The following THSD4 variants were observed in gnomAD, a reference collection of about 807,000 sequenced individuals.
The protein encoded by THSD4 is thrombospondin type 1 domain containing 4.
In THSD4, 69 loss-of-function variants were observed where a neutral mutation model predicts 119.0. The observed-to-expected ratio is 0.58, with a 90% CI of 0.48 to 0.71. The LOEUF (loss-of-function observed/expected upper bound fraction) is 0.71. Among genes scored for constraint, THSD4 ranks in the 30% least tolerant of loss-of-function variants. The pLI is 0.00. For synonymous variants in THSD4, 524 were observed against 540.4 expected, an observed-to-expected ratio of 0.97 and a Z score of 0.42; for missense variants, 1,393 against 1,391.1, an observed-to-expected ratio of 1.00 and a Z score of -0.02.
At chr15:71,165,174 T>C in intron 3 of THSD4, 5 of 1,584,104 alleles carry the variant, frequency 3.2e-6, no homozygotes, top group East Asian at 2.2e-5. Context: ...GTCTCCCCTT[T>C]GGGAGGGATG....
intron 6 of THSD4, among the ~76,000 whole-genome samples, chr15:71,297,425 T>C (rs2140332580): frequency 6.6e-6 from 1 of 151,708 alleles, no homozygotes; most frequent in South Asian, 2.1e-4. Context: ...AACCTCTGCC[T>C]CCCAGGTTCA....
At chr15:71,564,473 G>T (rs907847559) in intron 7 of THSD4, among the ~76,000 whole-genome samples, 1 of 152,120 alleles carries the variant, frequency 6.6e-6, no homozygotes, top group Admixed American at 6.6e-5. Context: ...GAAGGGGAGG[G>T]AGGTAAACTT....
chr15:71,679,542 G>A (rs2051728999), intron 8 of THSD4, among the ~76,000 whole-genome samples: 2 of 152,204 alleles, frequency 1.3e-5, no homozygotes, highest in South Asian at 4.1e-4. Flanking sequence ...TTTCTCAGAA[G>A]AAATAGGGAA....
At chr15:71,625,639 C>CA (rs1421907299) in intron 7 of THSD4, among the ~76,000 whole-genome samples, 1 of 152,208 alleles carries the variant, frequency 6.6e-6, no homozygotes, top group African/African-American at 2.4e-5. Flanking sequence ...TTTATCTTGA[C>CA]AAATAGCAAA....
chr15:71,607,492 G>GA (rs1290427295), intron 7 of THSD4, among the ~76,000 whole-genome samples: 3 of 152,230 alleles, frequency 2.0e-5, no homozygotes, highest in Non-Finnish European at 4.4e-5. Context: ...GTCCACACTT[G>GA]AAGTAGTTCC....
intron 7 of THSD4, among the ~76,000 whole-genome samples, chr15:71,538,379 T>C (rs895850735): frequency 2.0e-5 from 3 of 152,330 alleles, no homozygotes; most frequent in Admixed American, 2.0e-4. Flanking sequence ...AAGTGACTCA[T>C]TGATTGCACA....
chr15:71,469,847 G>T (rs979117842), intron 7 of THSD4, among the ~76,000 whole-genome samples: 1 of 152,124 alleles, frequency 6.6e-6, no homozygotes, highest in Non-Finnish European at 1.5e-5. Flanking sequence ...TGAACAACAT[G>T]TGCTAAATGA....
intron 1 of THSD4, among the ~76,000 whole-genome samples, chr15:71,106,949 G>A (rs1464693503): frequency 1.3e-5 from 2 of 152,130 alleles, no homozygotes; most frequent in African/African-American, 4.8e-5. Context: ...TTCAAAGGGA[G>A]GGGAAGTGAA....
intron 6 of THSD4, among the ~76,000 whole-genome samples, chr15:71,287,024 G>T (rs1274837024): frequency 1.3e-5 from 2 of 152,084 alleles, no homozygotes; most frequent in Non-Finnish European, 2.9e-5. Context: ...CACATTTTTG[G>T]TCATGTATAC....
chr15:71,668,173 A>T (rs1234500603), intron 8 of THSD4, among the ~76,000 whole-genome samples: 1 of 152,210 alleles, frequency 6.6e-6, no homozygotes, highest in East Asian at 1.9e-4. Context: ...TTGGTTCAAG[A>T]TGGCAGACTG....
chr15:71,607,494 A>G (rs1411896179), intron 7 of THSD4, among the ~76,000 whole-genome samples: 1 of 152,236 alleles, frequency 6.6e-6, no homozygotes. Flanking sequence ...CCACACTTGA[A>G]GTAGTTCCCT....
At position 71,680,441 on chromosome 15, in the gene THSD4, A is replaced by G. The variant is rs146017613; in HGVS notation, c.1357+19707A>G. Among the ~76,000 whole-genome samples the G allele has an allele frequency of 1.6e-3, 240 of 152,354 alleles. 2 individuals carry two copies. Among genetic ancestry groups the G allele is most frequent in the African/African-American group, 5.4e-3 (224 of 41,588 alleles). On this transcript the variant is annotated intron_variant, in intron 8 of 17. Coordinates refer to ENST00000261862, the MANE Select transcript of THSD4 (RefSeq NM_024817.3). ...TTTTAGAATTGCTGCGAGAAGACCAATATTAACCTGTAAGATAATTTCTGT... is the reference window on the plus strand; with the variant it reads ...TTTTAGAATTGCTGCGAGAAGACCAGTATTAACCTGTAAGATAATTTCTGT...
At chr15:71,769,889 T>C (rs370231308) in intron 16 of THSD4, among the ~76,000 whole-genome samples, 1 of 45,250 alleles carries the variant, frequency 2.2e-5, no homozygotes, top group South Asian at 6.0e-4. Flanking sequence ...TCCCCCTCTG[T>C]GAGAAACACC....
At chr15:71,536,980 G>T (rs1171488686) in intron 7 of THSD4, among the ~76,000 whole-genome samples, 1 of 152,130 alleles carries the variant, frequency 6.6e-6, no homozygotes, top group Admixed American at 6.5e-5. Context: ...TCACTCTAAA[G>T]GATTGGATAG....
chr15:71,252,318 G>A (rs375921545), intron 5 of THSD4, among the ~76,000 whole-genome samples: 1 of 152,210 alleles, frequency 6.6e-6, no homozygotes, highest in African/African-American at 2.4e-5. Flanking sequence ...GGGGTAAAAG[G>A]ATCTGTAACC....
chr15:71,198,008 A>G (rs749921490), intron 3 of THSD4, among the ~76,000 whole-genome samples: 5 of 152,116 alleles, frequency 3.3e-5, no homozygotes, highest in Non-Finnish European at 7.4e-5. Context: ...TAATCCCAAC[A>G]CTTTGGGAGG....
chr15:71,548,003 A>C (rs1475794230), intron 7 of THSD4, among the ~76,000 whole-genome samples: 1 of 151,636 alleles, frequency 6.6e-6, no homozygotes, highest in Non-Finnish European at 1.5e-5. Context: ...CAGGGCTAGG[A>C]GTGTACCCAG....
intron 6 of THSD4, among the ~76,000 whole-genome samples, chr15:71,361,340 C>T (rs2045889706): frequency 6.6e-6 from 1 of 151,906 alleles, no homozygotes; most frequent in Admixed American, 6.6e-5. Context: ...GGACAGTCAC[C>T]CAAAAGAAAA....
intron 7 of THSD4, among the ~76,000 whole-genome samples, chr15:71,568,835 G>A (rs985111596): frequency 6.6e-6 from 1 of 152,018 alleles, no homozygotes. Flanking sequence ...GTGAGAACAC[G>A]CAGTGTTTGG....
Sources: allele counts gnomAD v4.1 joint callset (sites outside exome capture counted in the v4.1 genomes callset), GRCh38; gene constraint gnomAD v4.1.1; transcripts MANE v1.5; gene names NCBI Gene and HGNC (gene_info 2026-07-23, HGNC 2026-07-21).